The following FBXL17 variants were observed in gnomAD, a reference collection of about 807,000 sequenced individuals.
FBXL17 encodes F-box and leucine rich repeat protein 17.
A neutral mutation model predicts 66.2 loss-of-function variants in FBXL17; 22 were observed. That is an observed-to-expected ratio of 0.33 (90% CI 0.24 to 0.47). FBXL17 has a LOEUF of 0.47. Ranked by LOEUF, FBXL17 falls within the 20% of genes least tolerant of loss-of-function variation. The pLI is 1.00. For synonymous variants in FBXL17, 474 were observed against 400.5 expected (o/e 1.18, Z -2.19); for missense variants, 878 against 948.2 (o/e 0.93, Z 0.97).
intron 4 of FBXL17, among the ~76,000 whole-genome samples, chr5:108,293,322 C>T (rs1241680641): frequency 3.3e-5 from 5 of 152,038 alleles, no homozygotes; most frequent in Non-Finnish European, 7.4e-5. Context: ...GGCCTATTCA[C>T]AAGAAACTAC....
In FBXL17 at chr5:107,934,816, G is replaced by A. The variant is rs1040088741; in HGVS notation, c.1823-53637C>T. ...CCTGTAAAGTATGGTAATGCATTTT[G>A]AACTACTGCCCTAATGACACAAACT... On this transcript the variant is annotated intron_variant, in intron 7 of 8. Coordinates refer to ENST00000542267, the MANE Select transcript of FBXL17 (RefSeq NM_001163315.3). 3.3e-5 allele frequency among the ~76,000 whole-genome samples: 5 copies of A among 152,232 alleles called. 1 individual carries two copies. The South Asian group carries it at 1.0e-3, about 32-fold the overall frequency.
At chr5:108,009,847 GAT>G (rs1754109547) in intron 7 of FBXL17, among the ~76,000 whole-genome samples, 4 of 152,120 alleles carry the variant, frequency 2.6e-5, no homozygotes, top group African/African-American at 9.7e-5. Flanking sequence ...AAAAATATGA[GAT>G]GGAAAGAATA....
chr5:108,282,663 G>A (rs542269444), intron 4 of FBXL17, among the ~76,000 whole-genome samples: 1 of 151,628 alleles, frequency 6.6e-6, no homozygotes, highest in Non-Finnish European at 1.5e-5. Context: ...GTCTTAGCTA[G>A]AGCAATCTGG....
intron 7 of FBXL17, among the ~76,000 whole-genome samples, chr5:108,006,275 T>A (rs1353856076): frequency 6.6e-6 from 1 of 152,238 alleles, no homozygotes; most frequent in Non-Finnish European, 1.5e-5. Context: ...CACTCTGTGA[T>A]AAATAGATTA....
At chr5:108,229,380 T>A (rs913033314) in intron 4 of FBXL17, among the ~76,000 whole-genome samples, 2 of 152,108 alleles carry the variant, frequency 1.3e-5, no homozygotes, top group Non-Finnish European at 2.9e-5. Flanking sequence ...TATAGGCCAA[T>A]GGAACAGAAT....
intron 7 of FBXL17, among the ~76,000 whole-genome samples, chr5:107,984,511 CTGTGAGTTCCTGG>C (rs1350859169): frequency 6.6e-6 from 1 of 152,140 alleles, no homozygotes; most frequent in Admixed American, 6.6e-5. Flanking sequence ...TCCCAGATGC[CTGTGAGTTCCTGG>C]TACCTACTTG....
At chr5:107,931,027 G>A (rs1358636991) in intron 7 of FBXL17, among the ~76,000 whole-genome samples, 1 of 152,024 alleles carries the variant, frequency 6.6e-6, no homozygotes, top group Non-Finnish European at 1.5e-5. Flanking sequence ...CAGCCTTTGT[G>A]ACCAGTGTGA....
At chr5:108,312,006 C>T (rs1759143299) in intron 4 of FBXL17, among the ~76,000 whole-genome samples, 1 of 152,144 alleles carries the variant, frequency 6.6e-6, no homozygotes, top group African/African-American at 2.4e-5. Flanking sequence ...CAGCTTGATA[C>T]TCTGTCCAGG....
intron 7 of FBXL17, among the ~76,000 whole-genome samples, chr5:107,929,557 T>C (rs1042242523): frequency 6.6e-6 from 1 of 152,186 alleles, no homozygotes. Flanking sequence ...TTCTAAAAGC[T>C]TCAGGTTTAC....
chr5:108,352,657 C>A (rs1474921874), intron 3 of FBXL17, among the ~76,000 whole-genome samples: 1 of 151,958 alleles, frequency 6.6e-6, no homozygotes, highest in African/African-American at 2.4e-5. Flanking sequence ...ACTACAGGCA[C>A]CCGCCATGAC....
chr5:108,147,707 A>G (rs921592829), intron 6 of FBXL17, among the ~76,000 whole-genome samples: 2 of 152,210 alleles, frequency 1.3e-5, no homozygotes, highest in Non-Finnish European at 2.9e-5. Flanking sequence ...AAGGAGCTCA[A>G]TTAAAAGCAT....
intron 7 of FBXL17, among the ~76,000 whole-genome samples, chr5:107,882,552 G>C (rs1464542283): frequency 6.6e-6 from 1 of 152,150 alleles, no homozygotes; most frequent in Admixed American, 6.5e-5. Flanking sequence ...TGTGCATGCT[G>C]TTTTGATATT....
chr5:108,285,059 C>A (rs1217624640), intron 4 of FBXL17, among the ~76,000 whole-genome samples: 2 of 151,896 alleles, frequency 1.3e-5, no homozygotes. Context: ...GTCATTTCAA[C>A]AATATTCACA....
intron 7 of FBXL17, among the ~76,000 whole-genome samples, chr5:107,915,311 T>A (rs1561528591): frequency 6.6e-6 from 1 of 152,136 alleles, no homozygotes; most frequent in Non-Finnish European, 1.5e-5. Context: ...AATCTGACAC[T>A]AAAAATGGCC....
At position 108,185,598 on chromosome 5, in the gene FBXL17, C is replaced by T. The variant is rs886834133; in HGVS notation, c.1745+519G>A. Among the ~76,000 whole-genome samples, 10 of 152,138 alleles carry T rather than the reference C, an allele frequency of 6.6e-5. No homozygotes were observed. The East Asian group carries it at 9.7e-4, about 15-fold the overall frequency. ...GCTAATATAGGCGCAGTGGTGTATG[C>T]CTGTAGTCCCAGCTGCTTGGGAGGC... is the stretch of plus-strand genomic sequence containing the variant. On this transcript the variant is annotated intron_variant, in intron 6 of 8. Transcript: ENST00000542267.
At position 108,059,747 on chromosome 5, in the gene FBXL17, C is replaced by T. The variant is rs116180438; in HGVS notation, c.1746-38746G>A. 6.1e-3 allele frequency among the ~76,000 whole-genome samples: 933 copies of T among 152,212 alleles called. 12 individuals are homozygous for T. Among genetic ancestry groups the T allele is most frequent in the African/African-American group, 0.02 (849 of 41,528 alleles). ...TCCATGGTTTACAGTTTATTCCAGGCAGGTTTATGTTTCCTTGCTAATACA... is the reference window on the plus strand; with the variant it reads ...TCCATGGTTTACAGTTTATTCCAGGTAGGTTTATGTTTCCTTGCTAATACA... On this transcript the variant is annotated intron_variant, in intron 6 of 8. Transcript: ENST00000542267.
rs571257555 is a variant in FBXL17 at position 108,224,785 on chromosome 5, G to A, written c.1507-557C>T. On this transcript the variant is annotated intron_variant, in intron 4 of 8. Transcript: ENST00000542267. ...TTTTTTGGTTTTTTTTGTTGTTGTT[G>A]TTGTGTTTTGTTTTGTATTTTTAGT... 1.6e-4 allele frequency among the ~76,000 whole-genome samples: 25 copies of A among 151,850 alleles called. No individual in the cohort carries two copies. In the South Asian group the frequency reaches 3.3e-3, roughly 20 times the overall value.
intron 6 of FBXL17, among the ~76,000 whole-genome samples, chr5:108,108,485 C>A (rs1041502621): frequency 1.3e-5 from 2 of 151,974 alleles, no homozygotes; most frequent in African/African-American, 4.8e-5. Context: ...ATATCTAGCA[C>A]GTTTAAAGGT....
chr5:108,286,459 C>T (rs1160674411), intron 4 of FBXL17, among the ~76,000 whole-genome samples: 2 of 151,972 alleles, frequency 1.3e-5, no homozygotes, highest in Non-Finnish European at 2.9e-5. Context: ...GACACAAAAT[C>T]AATGTACAAA....
Sources: allele counts gnomAD v4.1 joint callset (sites outside exome capture counted in the v4.1 genomes callset), GRCh38; gene constraint gnomAD v4.1.1; transcripts MANE v1.5; gene names NCBI Gene and HGNC (gene_info 2026-07-23, HGNC 2026-07-21).